SLFN12L: variants seen among roughly 807,000 people sequenced by gnomAD.
The protein encoded by SLFN12L is schlafen family member 12-like.
Under a neutral mutation model 34.8 loss-of-function variants are expected in SLFN12L, and 34 were observed. The ratio of observed to expected loss-of-function variants is 0.98; its 90% CI spans 0.74 to 1.30. The LOEUF (loss-of-function observed/expected upper bound fraction) is 1.30, where lower values mean the gene tolerates loss of function less well. Ranked by LOEUF, SLFN12L falls within the 50% of genes most tolerant of loss-of-function variation. The probability of loss-of-function intolerance (pLI) is 0.00; values close to 1 mark genes in which losing one functional copy is unlikely to be tolerated. For synonymous variants in SLFN12L, 259 were observed against 247.5 expected, an observed-to-expected ratio of 1.05 and a Z score of -0.44; for missense variants, 703 against 696.2, an observed-to-expected ratio of 1.01 and a Z score of -0.11.
chr17:35,535,249 GGC>G (rs2072447979), intron 1 of SLFN12L, among the ~76,000 whole-genome samples: 1 of 149,328 alleles, frequency 6.7e-6, no homozygotes, highest in Non-Finnish European at 1.5e-5. Context: ...GGAGTGCAAT[GGC>G]GTGATCTCGG....
At chr17:35,535,984 T>C (rs2072458241) in intron 1 of SLFN12L, among the ~76,000 whole-genome samples, 1 of 147,144 alleles carries the variant, frequency 6.8e-6, no homozygotes, top group South Asian at 2.2e-4. Context: ...TGTTTGTTTG[T>C]TTGTTTGTTT....
Position 35,490,003 on chromosome 17 carries a change from C to T in SLFN12L, c.87-9808G>A, listed in dbSNP as rs1161474731. 2.9e-5 allele frequency: 45 copies of T among 1,577,772 alleles called. No individual in the cohort carries two copies. The East Asian group carries it at 9.6e-4, about 34-fold the overall frequency. ...CAAATTGGGAATAGAAAGAAATATC[C>T]GACATCCAGATCCTCACCACGAACA... is the stretch of plus-strand genomic sequence containing the variant. On this transcript the variant is annotated intron_variant, in intron 2 of 4. Coordinates refer to ENST00000628453, the MANE Select transcript of SLFN12L (RefSeq NM_001363830.2).
chr17:35,476,473 G>A lies in SLFN12L; in HGVS notation c.1277-988C>T, dbSNP rs56845839. ...AGAAAGCAAGGAAGGAAGGAAGGAA[G>A]GAAGGAAGGAAGGAAGGAAGGAAGG... On this transcript the variant is annotated intron_variant, in intron 4 of 4. Transcript: ENST00000628453. 2.4e-3 allele frequency among the ~76,000 whole-genome samples: 259 copies of A among 107,310 alleles called. 3 individuals carry two copies. Among genetic ancestry groups the A allele is most frequent in the East Asian group, 0.019 (43 of 2,270 alleles). 70.4% of individuals were successfully genotyped at this position (107,310 alleles called of 152,430 possible). A position where few individuals can be genotyped will look rare whatever the true frequency, so the allele number is the denominator to read the frequency against.
intron 2 of SLFN12L, among the ~76,000 whole-genome samples, chr17:35,518,411 C>A (rs1915900312): frequency 6.6e-6 from 1 of 152,074 alleles, no homozygotes. Flanking sequence ...ATTAGCTGGG[C>A]ATTGTGGCAG....
Position 35,466,175 on chromosome 17 carries a change from G to A in SLFN12L, c.*8748C>T, listed in dbSNP as rs538411387. Among the ~76,000 whole-genome samples the A allele has an allele frequency of 4.5e-4, 69 of 152,102 alleles. 1 individual carries two copies. In the South Asian group the frequency reaches 0.012, roughly 27 times the overall value. On this transcript the variant is annotated 3_prime_UTR_variant, in exon 5 of 5. Coordinates refer to ENST00000628453, the MANE Select transcript of SLFN12L (RefSeq NM_001363830.2). ...ATCATAATCACTCAAAATCCATTGCGACTTTTACATTAGCGTTCATTCTTC... is the reference window on the plus strand; with the variant it reads ...ATCATAATCACTCAAAATCCATTGCAACTTTTACATTAGCGTTCATTCTTC...
Position 35,530,424 on chromosome 17 carries a change from AGGAAG to A in SLFN12L, c.-606+7144_-606+7148del, listed in dbSNP as rs1277432365. 6.0e-4 allele frequency among the ~76,000 whole-genome samples: 4 copies of A among 6,696 alleles called. 2 individuals carry two copies. Among genetic ancestry groups the A allele is most frequent in the Non-Finnish European group, 8.5e-4 (2 of 2,360 alleles). The allele number at this position is 6,696 out of a possible 152,430, so 4.4% of individuals were successfully genotyped here. ...AAGGAAGGAAGGAAGGAAGGAAGGAAGGAAGGGAAGGGAAGGGAAGAAAGAAAGAA... is the reference window on the plus strand; with the variant it reads ...AAGGAAGGAAGGAAGGAAGGAAGGAAGGAAGGGAAGGGAAGAAAGAAAGAA... On this transcript the variant is annotated intron_variant, in intron 1 of 4. Coordinates refer to ENST00000628453, the MANE Select transcript of SLFN12L (RefSeq NM_001363830.2).
rs1445913095 is a variant in SLFN12L, at chr17:35,473,318, A to G, written c.*1605T>C. 1.3e-5 allele frequency among the ~76,000 whole-genome samples: 2 copies of G among 152,164 alleles called. No individual in the cohort carries two copies. The highest frequency in any genetic ancestry group is 1.3e-4 in the Admixed American group (2 of 15,274). Reference sequence around the variant, plus strand: ...TGAATAGCTCTTATTGTTTTGAGATATGTTTCATCAATACCCAGTTTATTG... The same window carrying G: ...TGAATAGCTCTTATTGTTTTGAGATGTGTTTCATCAATACCCAGTTTATTG... On this transcript the variant is annotated 3_prime_UTR_variant, in exon 5 of 5. Transcript: ENST00000628453.
Position 35,478,165 on chromosome 17 carries a change from G to A in SLFN12L, c.1186C>T (p.Pro396Ser). The A allele has an allele frequency of 6.5e-7, 1 of 1,541,762 alleles. No individual in the cohort carries two copies. The highest frequency in any genetic ancestry group is 8.8e-7 in the Non-Finnish European group (1 of 1,138,972). Residue 396 changes from proline to serine, a missense_variant, in exon 4 of 5, where the codon CCA becomes TCA. By Grantham distance (74) the Pro-to-Ser change is moderately conservative. Transcript: ENST00000628453. Reference protein sequence around the residue: ...SEPVCEELPSPASTSSPVSQS... With the variant: ...SEPVCEELPSSASTSSPVSQS... ...GAGACAGGTGATGATGTACTTGCTGGAGAGGGCAGTTCCTCACATACTATG... is the reference window on the plus strand; with the variant it reads ...GAGACAGGTGATGATGTACTTGCTGAAGAGGGCAGTTCCTCACATACTATG...
At chr17:35,491,606 G>A (rs189198316) in intron 2 of SLFN12L, among the ~76,000 whole-genome samples, 44 of 152,294 alleles carry the variant, frequency 2.9e-4, no homozygotes, top group African/African-American at 9.9e-4. Context: ...AATGGGGTCT[G>A]GCCACCTGGC....
At chr17:35,507,403 A>G (rs1401955954) in intron 2 of SLFN12L, among the ~76,000 whole-genome samples, 1 of 152,244 alleles carries the variant, frequency 6.6e-6, no homozygotes, top group Non-Finnish European at 1.5e-5. Context: ...TAAGACTGGC[A>G]GAGCCTTGAC....
Position 35,467,991 on chromosome 17 carries a change from A to G in SLFN12L, c.*6932T>C, listed in dbSNP as rs1260723905. 6.6e-6 allele frequency among the ~76,000 whole-genome samples: 1 copy of G among 151,956 alleles called. No homozygotes were observed. Among genetic ancestry groups the G allele is most frequent in the Non-Finnish European group, 1.5e-5 (1 of 67,990 alleles). On this transcript the variant is annotated 3_prime_UTR_variant, in exon 5 of 5. Coordinates refer to ENST00000628453, the MANE Select transcript of SLFN12L (RefSeq NM_001363830.2). ...GTGGCGTGATCACGATTCACTCCCC[A>G]CTCTACTTCCTGGGTTCAGACAATC...
At chr17:35,500,057 C>T (rs10512471) in intron 2 of SLFN12L, 36,301 of 152,160 alleles carry the variant, frequency 0.24, 4,840 homozygotes, top group South Asian at 0.32. Flanking sequence ...ATGTTAAAAA[C>T]TTAAGGATCA....
intron 1 of SLFN12L, among the ~76,000 whole-genome samples, chr17:35,526,220 G>C (rs554289261): frequency 1.3e-5 from 2 of 152,226 alleles, no homozygotes; most frequent in South Asian, 4.2e-4. Context: ...AATTCTTAGA[G>C]ACCTACCAAG....
rs1913786496 is a variant in SLFN12L at position 35,470,391 on chromosome 17, A to G, written c.*4532T>C. On this transcript the variant is annotated 3_prime_UTR_variant, in exon 5 of 5. Coordinates refer to ENST00000628453, the MANE Select transcript of SLFN12L (RefSeq NM_001363830.2). ...CAATAAATGCGCCTGTAAGTTCCAG[A>G]TAACAGGCTCTTGTCATTTTCCCAA... The G allele has an allele frequency of 6.4e-6, 1 of 155,406 alleles. No homozygotes were observed. Among genetic ancestry groups the G allele is most frequent in the African/African-American group, 2.4e-5 (1 of 41,466 alleles). The allele number at this position is 155,406 out of a possible 1,614,324, so 9.6% of individuals were successfully genotyped here. A position where few individuals can be genotyped will look rare whatever the true frequency, so the allele number is the denominator to read the frequency against.
chr17:35,516,782 A>AAATGTGAT (rs1915842584), intron 2 of SLFN12L, among the ~76,000 whole-genome samples: 1 of 152,280 alleles, frequency 6.6e-6, no homozygotes, highest in Admixed American at 6.5e-5. Flanking sequence ...TGCAATACAT[A>AAATGTGAT]AATGTGATTT....
At chr17:35,494,791 G>T (rs946245135) in intron 2 of SLFN12L, among the ~76,000 whole-genome samples, 2 of 152,118 alleles carry the variant, frequency 1.3e-5, no homozygotes, top group Non-Finnish European at 2.9e-5. Context: ...GGAGAGTGAC[G>T]CAGGGCCAGG....
chr17:35,515,221 G>A (rs1295444556), intron 2 of SLFN12L: 5 of 546,610 alleles, frequency 9.1e-6, no homozygotes, highest in African/African-American at 1.9e-5. Flanking sequence ...GGACTGCGGC[G>A]GTGGGGGAAA....
intron 2 of SLFN12L, among the ~76,000 whole-genome samples, chr17:35,515,419 A>C (rs192080940): frequency 1.3e-5 from 2 of 152,106 alleles, no homozygotes; most frequent in African/African-American, 2.4e-5. Context: ...TATTTTCTCT[A>C]TGCCTGGAGA....
intron 2 of SLFN12L, among the ~76,000 whole-genome samples, chr17:35,505,524 A>G (rs1215772117): frequency 1.3e-5 from 2 of 152,234 alleles, no homozygotes; most frequent in Non-Finnish European, 2.9e-5. Flanking sequence ...TGCTAGATTA[A>G]CCAAGTACCA....
Sources: allele counts gnomAD v4.1 joint callset (sites outside exome capture counted in the v4.1 genomes callset), GRCh38; gene constraint gnomAD v4.1.1; transcripts MANE v1.5; gene names NCBI Gene and HGNC (gene_info 2026-07-23, HGNC 2026-07-21).